SLC35F4: variants seen among roughly 807,000 people sequenced by gnomAD.
SLC35F4 encodes chromosome 14 open reading frame 36.
Under a neutral mutation model 44.2 loss-of-function variants are expected in SLC35F4, and 24 were observed. The ratio of observed to expected loss-of-function variants is 0.54; its 90% CI spans 0.39 to 0.76. SLC35F4 has a LOEUF of 0.76. Ranked by LOEUF, SLC35F4 falls within the 30% of genes least tolerant of loss-of-function variation. The pLI is 0.00. For synonymous variants in SLC35F4, 238 were observed against 223.6 expected (o/e 1.06, Z -0.57); for missense variants, 562 against 586.1 (o/e 0.96, Z 0.42).
chr14:57,834,344 T>C (rs113355150), intron 1 of SLC35F4, among the ~76,000 whole-genome samples: 1 of 152,350 alleles, frequency 6.6e-6, no homozygotes, highest in Non-Finnish European at 1.5e-5. Flanking sequence ...TCTCTACAGA[T>C]TCATTCCTTC....
chr14:57,879,206 G>A (rs1461230790), intron 1 of SLC35F4, among the ~76,000 whole-genome samples: 1 of 152,104 alleles, frequency 6.6e-6, no homozygotes, highest in African/African-American at 2.4e-5. Flanking sequence ...ACTTGGCATT[G>A]CACTTTTCAA....
chr14:57,583,330 A>G (rs2069434836), intron 3 of SLC35F4, among the ~76,000 whole-genome samples: 1 of 150,026 alleles, frequency 6.7e-6, no homozygotes, highest in Non-Finnish European at 1.5e-5. Flanking sequence ...GCTGGAGTTG[A>G]GAGTCGTGGG....
chr14:57,735,945 C>G (rs1244049337), intron 1 of SLC35F4, among the ~76,000 whole-genome samples: 3 of 152,104 alleles, frequency 2.0e-5, no homozygotes, highest in Non-Finnish European at 2.9e-5. Flanking sequence ...CTTCTCCTGG[C>G]CTCAAGGGAT....
At chr14:57,707,628 T>C (rs2075710714) in intron 1 of SLC35F4, among the ~76,000 whole-genome samples, 1 of 152,058 alleles carries the variant, frequency 6.6e-6, no homozygotes, top group African/African-American at 2.4e-5. Flanking sequence ...ATACAATAAA[T>C]TGGTACCGAG....
intron 1 of SLC35F4, among the ~76,000 whole-genome samples, chr14:57,597,386 T>A (rs1195330932): frequency 1.3e-5 from 2 of 152,220 alleles, no homozygotes; most frequent in African/African-American, 4.8e-5. Context: ...GATTTCTTCA[T>A]CTGCACTGGT....
chr14:57,972,099 GATGTGTTCCA>G (rs112591321), downstream of SLC35F4, among the ~76,000 whole-genome samples: 15,546 of 152,166 alleles, frequency 0.1, 873 homozygotes, highest in Non-Finnish European at 0.12. Flanking sequence ...AAAAGAGTGT[GATGTGTTCCA>G]GAAACTAGTG....
intron 1 of SLC35F4, among the ~76,000 whole-genome samples, chr14:57,661,690 A>T (rs917058868): frequency 6.6e-6 from 1 of 152,194 alleles, no homozygotes; most frequent in East Asian, 1.9e-4. Context: ...GCTCTTCATG[A>T]TGGGGTCATA....
chr14:57,896,476 T>A (rs1045743702), intron 1 of SLC35F4, among the ~76,000 whole-genome samples: 2 of 152,206 alleles, frequency 1.3e-5, no homozygotes, highest in Non-Finnish European at 2.9e-5. Flanking sequence ...GGAAACCCTC[T>A]AGGATGCTAG....
intron 1 of SLC35F4, among the ~76,000 whole-genome samples, chr14:57,967,087 C>A (rs934516400): frequency 6.6e-6 from 1 of 151,784 alleles, no homozygotes; most frequent in African/African-American, 2.4e-5. Context: ...TAAAAAAGAA[C>A]AAAATTTTAA....
At chr14:57,656,717 T>C (rs752848006) in intron 1 of SLC35F4, among the ~76,000 whole-genome samples, 7 of 152,150 alleles carry the variant, frequency 4.6e-5, no homozygotes, top group Non-Finnish European at 8.8e-5. Context: ...CAAGTATACC[T>C]ATATAATACA....
At chr14:57,572,465 C>A (rs1342684770) in intron 4 of SLC35F4, among the ~76,000 whole-genome samples, 1 of 152,006 alleles carries the variant, frequency 6.6e-6, no homozygotes, top group African/African-American at 2.4e-5. Flanking sequence ...TGAAGATCTC[C>A]ATCTAATCAG....
intron 1 of SLC35F4, among the ~76,000 whole-genome samples, chr14:57,800,655 G>C (rs754791798): frequency 7.9e-5 from 12 of 152,080 alleles, no homozygotes; most frequent in Non-Finnish European, 1.3e-4. Context: ...AGAATAACCA[G>C]TTTAGAGAGC....
rs1470231670 is a variant in SLC35F4, at chr14:57,780,981, CAA to C, written c.103+84740_103+84741del. Among the ~76,000 whole-genome samples, 1,253 of 152,150 alleles carry C rather than the reference CAA, an allele frequency of 8.2e-3. 14 individuals are homozygous for C. Among genetic ancestry groups the C allele is most frequent in the African/African-American group, 0.029 (1,192 of 41,534 alleles). On this transcript the variant is annotated intron_variant, in intron 1 of 7. Transcript: ENST00000556826. ...TAAAAACCCTGGAAGAAAATCTAGG[CAA>C]TATTATTCCGGACATAGGAATTGGC...
intron 1 of SLC35F4, among the ~76,000 whole-genome samples, chr14:57,931,819 T>C (rs1259716989): frequency 6.6e-6 from 1 of 152,058 alleles, no homozygotes; most frequent in Non-Finnish European, 1.5e-5. Flanking sequence ...CAATAGAGGG[T>C]CAAAAATGCC....
intron 1 of SLC35F4, among the ~76,000 whole-genome samples, chr14:57,960,170 C>G (rs74055559): frequency 0.02 from 3,010 of 152,326 alleles, 125 homozygotes; most frequent in African/African-American, 0.069. Flanking sequence ...ACCAGATTCT[C>G]TTTTCTCTCT....
At chr14:57,957,625 A>G (rs1035330766) in intron 1 of SLC35F4, among the ~76,000 whole-genome samples, 14 of 152,306 alleles carry the variant, frequency 9.2e-5, no homozygotes, top group Non-Finnish European at 1.8e-4. Flanking sequence ...ACAAGATGAC[A>G]CACTCAGCCC....
chr14:57,642,250 C>A (rs1229237050), intron 1 of SLC35F4, among the ~76,000 whole-genome samples: 1 of 151,772 alleles, frequency 6.6e-6, no homozygotes, highest in African/African-American at 2.4e-5. Context: ...ACGTTTAACT[C>A]TTTCCATTGT....
chr14:57,671,268 T>C (rs1431797095), intron 1 of SLC35F4, among the ~76,000 whole-genome samples: 1 of 151,944 alleles, frequency 6.6e-6, no homozygotes, highest in Non-Finnish European at 1.5e-5. Context: ...CTGGGGCAGC[T>C]AAGGGAGTGC....
intron 1 of SLC35F4, among the ~76,000 whole-genome samples, chr14:57,671,309 C>T (rs1262720240): frequency 6.6e-6 from 1 of 151,898 alleles, no homozygotes; most frequent in East Asian, 1.9e-4. Flanking sequence ...CCTCAGAGTG[C>T]ACAGGTCTCA....
Sources: gnomAD v4.1 joint callset for allele counts (sites outside exome capture counted in the v4.1 genomes callset) on GRCh38, gnomAD v4.1.1 for gene constraint, MANE v1.5 for transcripts, NCBI Gene and HGNC (gene_info 2026-07-23, HGNC 2026-07-21) for gene names.